OR51B5: variants seen among roughly 807,000 people sequenced by gnomAD.
The protein encoded by OR51B5 is olfactory receptor family 51 subfamily B member 5, also known as olfactory receptor 51B5.
For missense variants in OR51B5, 456 were observed against 374.6 expected (o/e 1.22, Z -1.79); for synonymous variants, 186 against 144.8 (o/e 1.28, Z -2.04).
At chr11:5,366,936 G>A (rs959736816) in intron 1 of OR51B5, among the ~76,000 whole-genome samples, 4 of 152,116 alleles carry the variant, frequency 2.6e-5, no homozygotes, top group African/African-American at 9.7e-5. Flanking sequence ...GCCTGGACTT[G>A]GTGTCATCTC....
chr11:5,413,755 C>G (rs1850188512), intron 1 of OR51B5, among the ~76,000 whole-genome samples: 1 of 152,068 alleles, frequency 6.6e-6, no homozygotes, highest in African/African-American at 2.4e-5. Flanking sequence ...AAGAAACGAG[C>G]AAAGCCTCCA....
intron 1 of OR51B5, among the ~76,000 whole-genome samples, chr11:5,360,323 G>A (rs527971247): frequency 1.3e-5 from 2 of 152,068 alleles, no homozygotes; most frequent in South Asian, 4.2e-4. Context: ...ATCAAAAAGT[G>A]GGCAAAGGAT....
intron 1 of OR51B5, chr11:5,469,482 G>C (rs1851192938): frequency 6.6e-6 from 1 of 152,138 alleles, no homozygotes; most frequent in Non-Finnish European, 1.5e-5. Flanking sequence ...TGAGATGGTG[G>C]GAGAAGTGAA....
chr11:5,448,859 A>T (rs1717547385), intron 1 of OR51B5, among the ~76,000 whole-genome samples: 2 of 152,272 alleles, frequency 1.3e-5, no homozygotes, highest in African/African-American at 4.8e-5. Context: ...TAAACCTTCT[A>T]GTTATTCACC....
downstream of OR51B5, chr11:5,341,010 C>CAAGGATAAAAAACATGAT (rs1848884068): frequency 1.3e-5 from 2 of 152,028 alleles, no homozygotes; most frequent in African/African-American, 4.8e-5. Flanking sequence ...CATGGCGTGA[C>CAAGGATAAAAAACATGAT]AAGGATAAAA....
chr11:5,433,565 A>C (rs1850559599), intron 1 of OR51B5, among the ~76,000 whole-genome samples: 1 of 152,216 alleles, frequency 6.6e-6, no homozygotes, highest in Admixed American at 6.5e-5. Flanking sequence ...GCTGGAATAA[A>C]TGTATGGTCA....
At chr11:5,411,594 CT>C (rs1197364257) in intron 1 of OR51B5, among the ~76,000 whole-genome samples, 2 of 152,178 alleles carry the variant, frequency 1.3e-5, no homozygotes, top group African/African-American at 2.4e-5. Context: ...GTCTCCACCC[CT>C]GTAAGAAAAG....
chr11:5,360,273 A>G (rs1849260837), intron 1 of OR51B5, among the ~76,000 whole-genome samples: 1 of 152,038 alleles, frequency 6.6e-6, no homozygotes, highest in Non-Finnish European at 1.5e-5. Context: ...TCCAGAATCT[A>G]TGATGAACTC....
intron 1 of OR51B5, among the ~76,000 whole-genome samples, chr11:5,501,821 G>A (rs1298124128): frequency 1.4e-5 from 2 of 147,822 alleles, no homozygotes; most frequent in Non-Finnish European, 3.0e-5. Context: ...CAACGTGCAG[G>A]TTTGTTACAT....
intron 1 of OR51B5, among the ~76,000 whole-genome samples, chr11:5,371,894 C>T (rs922831295): frequency 6.6e-6 from 1 of 152,036 alleles, no homozygotes; most frequent in Non-Finnish European, 1.5e-5. Flanking sequence ...CTTTGACCTA[C>T]TTCTCCCTAT....
intron 1 of OR51B5, among the ~76,000 whole-genome samples, chr11:5,368,301 C>T (rs557017209): frequency 6.6e-6 from 1 of 152,174 alleles, no homozygotes; most frequent in Non-Finnish European, 1.5e-5. Context: ...GCTGCGTACC[C>T]TATAGCAAAG....
intron 1 of OR51B5, among the ~76,000 whole-genome samples, chr11:5,368,288 T>C (rs1274959525): frequency 1.3e-5 from 2 of 152,238 alleles, no homozygotes; most frequent in African/African-American, 4.8e-5. Context: ...CTTCCACTTA[T>C]TGGCTGCGTA....
intron 1 of OR51B5, among the ~76,000 whole-genome samples, chr11:5,415,006 A>G (rs551451435): frequency 6.6e-6 from 1 of 152,272 alleles, no homozygotes; most frequent in African/African-American, 2.4e-5. Context: ...CTATTCCAAA[A>G]TTGACCACAT....
At chr11:5,499,768 C>A (rs1367559431) in intron 1 of OR51B5, among the ~76,000 whole-genome samples, 2 of 152,176 alleles carry the variant, frequency 1.3e-5, no homozygotes, top group African/African-American at 4.8e-5. Flanking sequence ...TCTAAACAAT[C>A]TCTTCCCTGG....
At chr11:5,481,453 C>T (rs1851418410) in intron 1 of OR51B5, among the ~76,000 whole-genome samples, 1 of 117,304 alleles carries the variant, frequency 8.5e-6, no homozygotes, top group Non-Finnish European at 1.7e-5. Context: ...TGGCACAAGA[C>T]AGGGATGCCC....
At chr11:5,394,512 A>G (rs939100226) in intron 1 of OR51B5, among the ~76,000 whole-genome samples, 4 of 152,216 alleles carry the variant, frequency 2.6e-5, no homozygotes, top group African/African-American at 7.2e-5. Flanking sequence ...AAAAATCTTT[A>G]CAACTATCCC....
intron 1 of OR51B5, among the ~76,000 whole-genome samples, chr11:5,435,215 G>A (rs1850576190): frequency 6.6e-6 from 1 of 152,118 alleles, no homozygotes; most frequent in South Asian, 2.1e-4. Context: ...CCCAGTGATG[G>A]GGAGTTTATC....
intron 1 of OR51B5, among the ~76,000 whole-genome samples, chr11:5,418,861 A>G (rs61894104): frequency 0.045 from 5,905 of 130,766 alleles, 524 homozygotes; most frequent in East Asian, 0.42. Context: ...CATGTACCCC[A>G]GAACTTGAAG....
At chr11:5,486,954 C>T (rs1168343001) in intron 1 of OR51B5, among the ~76,000 whole-genome samples, 2 of 151,950 alleles carry the variant, frequency 1.3e-5, no homozygotes, top group Non-Finnish European at 2.9e-5. Flanking sequence ...CCTAATTCCA[C>T]CTCTTTGGAG....
Sources: gnomAD v4.1 joint callset for allele counts (sites outside exome capture counted in the v4.1 genomes callset) on GRCh38, gnomAD v4.1.1 for gene constraint, MANE v1.5 for transcripts, NCBI Gene and HGNC (gene_info 2026-07-23, HGNC 2026-07-21) for gene names.